GLRA2: variants seen among roughly 807,000 people sequenced by gnomAD.
The protein encoded by GLRA2 is glycine receptor alpha 2, also known as glycine receptor subunit alpha-2.
Under a neutral mutation model 31.6 loss-of-function variants are expected in GLRA2, and 11 were observed. That is an observed-to-expected ratio of 0.35 (90% CI 0.22 to 0.58). The LOEUF (loss-of-function observed/expected upper bound fraction) is 0.58. Ranked by LOEUF, GLRA2 falls within the 20% of genes least tolerant of loss-of-function variation. The pLI is 0.84. For synonymous variants in GLRA2, 132 were observed against 134.0 expected, an observed-to-expected ratio of 0.99 and a Z score of 0.10; for missense variants, 212 against 351.8, an observed-to-expected ratio of 0.60 and a Z score of 3.18.
intron 3 of GLRA2, among the ~76,000 whole-genome samples, chrX:14,579,468 T>G (rs1388499826): frequency 1.8e-5 from 2 of 111,189 alleles, no homozygotes; most frequent in Non-Finnish European, 3.8e-5. Flanking sequence ...TAGCTGGGTC[T>G]ACAGGCATGC....
At chrX:14,551,177 C>A (rs2089557543) in intron 2 of GLRA2, among the ~76,000 whole-genome samples, 2 of 111,549 alleles carry the variant, frequency 1.8e-5, no homozygotes, top group South Asian at 7.6e-4. Context: ...TGATTCCAGG[C>A]AGTCTAGCAT....
chrX:14,607,420 A>G (rs1397615417), intron 6 of GLRA2, 152 bp downstream of exon 6: 4 of 431,222 alleles, frequency 9.3e-6, no homozygotes, highest in Non-Finnish European at 1.6e-5. Context: ...AACTCCCTCA[A>G]CAGATAAGAT....
At chrX:14,651,288 T>C (rs1298049158) in intron 7 of GLRA2, among the ~76,000 whole-genome samples, 1 of 111,973 alleles carries the variant, frequency 8.9e-6, no homozygotes, top group Non-Finnish European at 1.9e-5. Flanking sequence ...TGTTTTCCCA[T>C]ACTTTGTAAT....
the GLRA2 span, among the ~76,000 whole-genome samples, chrX:14,507,442 G>A: frequency 9.0e-6 from 1 of 110,777 alleles, no homozygotes; most frequent in African/African-American, 3.3e-5. Context: ...AACAGCAATT[G>A]TTATTTAAAT....
intron 7 of GLRA2, among the ~76,000 whole-genome samples, chrX:14,678,940 T>C (rs2091171796): frequency 9.0e-6 from 1 of 111,515 alleles, no homozygotes; most frequent in Non-Finnish European, 1.9e-5. Flanking sequence ...GCAGAAGGTA[T>C]AGTCTTAAGG....
chrX:14,613,805 C>T (rs778432306), intron 7 of GLRA2, among the ~76,000 whole-genome samples: 3 of 110,829 alleles, frequency 2.7e-5, no homozygotes, highest in Admixed American at 1.9e-4. Flanking sequence ...TCAATTTTTC[C>T]CCACTCACTA....
At chrX:14,656,841 C>T (rs1224413635) in intron 7 of GLRA2, among the ~76,000 whole-genome samples, 1 of 111,613 alleles carries the variant, frequency 9.0e-6, no homozygotes. Flanking sequence ...GTAATAAGTG[C>T]TAAGAAGAAA....
chrX:14,720,904 G>T (rs1406825556), intron 8 of GLRA2, among the ~76,000 whole-genome samples: 1 of 110,571 alleles, frequency 9.0e-6, no homozygotes, highest in African/African-American at 3.3e-5. Context: ...GACCAAGATG[G>T]GAGGATTGCT....
intron 5 of GLRA2, 21 bp downstream of exon 5, chrX:14,604,418 T>C (rs1485966071): frequency 1.0e-6 from 1 of 953,747 alleles, no homozygotes; most frequent in East Asian, 3.1e-5. Flanking sequence ...ACTGTTGAAA[T>C]GACTCCCTGC....
At chrX:14,601,699 C>G (rs983337627) in intron 4 of GLRA2, among the ~76,000 whole-genome samples, 3 of 111,417 alleles carry the variant, frequency 2.7e-5, no homozygotes, top group African/African-American at 9.8e-5. Flanking sequence ...GATTCTTTGT[C>G]TAATCTGACT....
chrX:14,529,407 A>T (rs1283209968), upstream of GLRA2: 1 of 109,882 alleles, frequency 9.1e-6, no homozygotes, highest in African/African-American at 3.3e-5. Flanking sequence ...TTCGAACAGC[A>T]GGCACGTCCC....
At chrX:14,605,067 A>G (rs2090319768) in intron 5 of GLRA2, among the ~76,000 whole-genome samples, 1 of 111,630 alleles carries the variant, frequency 9.0e-6, no homozygotes, top group South Asian at 3.7e-4. Context: ...ATGTGTCACC[A>G]TAAGTTGCTG....
the GLRA2 span, among the ~76,000 whole-genome samples, chrX:14,511,098 G>A: frequency 9.0e-6 from 1 of 111,251 alleles, no homozygotes; most frequent in Non-Finnish European, 1.9e-5. Flanking sequence ...AAATAGAAAA[G>A]CTTATTTTCT....
At chrX:14,614,725 A>G (rs964577600) in intron 7 of GLRA2, among the ~76,000 whole-genome samples, 8 of 112,015 alleles carry the variant, frequency 7.1e-5, no homozygotes, top group Non-Finnish European at 1.3e-4. Context: ...AAGACAAATG[A>G]GAGATTCTCT....
At chrX:14,544,245 T>C (rs1223872350) in intron 2 of GLRA2, among the ~76,000 whole-genome samples, 1 of 112,076 alleles carries the variant, frequency 8.9e-6, no homozygotes, top group Non-Finnish European at 1.9e-5. Flanking sequence ...AGTCAATACA[T>C]CAAAATACTT....
At chrX:14,669,165 C>T (rs982106070) in intron 7 of GLRA2, among the ~76,000 whole-genome samples, 1 of 112,476 alleles carries the variant, frequency 8.9e-6, no homozygotes, top group African/African-American at 3.2e-5. Flanking sequence ...CCAAAATGAT[C>T]TCCTTTGACT....
intron 7 of GLRA2, among the ~76,000 whole-genome samples, chrX:14,652,401 CT>C (rs1196494915): frequency 1.8e-5 from 2 of 111,260 alleles, no homozygotes; most frequent in African/African-American, 6.5e-5. Context: ...ATAGGCGTAT[CT>C]CATTTTACTG....
the GLRA2 span, among the ~76,000 whole-genome samples, chrX:14,507,689 C>CTTCTTTTTT: frequency 2.1e-5 from 1 of 46,629 alleles, no homozygotes; most frequent in African/African-American, 9.1e-5. Context: ...GAAAGACATT[C>CTTCTTTTTT]TTTTTTTTTT....
chrX:14,724,105 G>A (rs755174211), intron 8 of GLRA2, among the ~76,000 whole-genome samples: 1 of 111,454 alleles, frequency 9.0e-6, no homozygotes, highest in African/African-American at 3.3e-5. Flanking sequence ...TTTTTCCAAA[G>A]CACCCATCAT....
Sources: allele counts gnomAD v4.1 joint callset (sites outside exome capture counted in the v4.1 genomes callset), GRCh38; gene constraint gnomAD v4.1.1; transcripts MANE v1.5; gene names NCBI Gene and HGNC (gene_info 2026-07-23, HGNC 2026-07-21).